The following FAF1 variants were observed in gnomAD, a reference collection of about 807,000 sequenced individuals.
The protein encoded by FAF1 is Fas associated factor 1.
Under a neutral mutation model 92.5 loss-of-function variants are expected in FAF1, and 25 were observed. The observed-to-expected ratio is 0.27, with a 90% CI of 0.20 to 0.38. FAF1 has a LOEUF of 0.38. FAF1 is among the 10% of genes least tolerant of loss of function. The pLI is 1.00. For missense variants in FAF1, 636 were observed against 793.3 expected, an observed-to-expected ratio of 0.80 and a Z score of 2.38; for synonymous variants, 234 against 273.2, an observed-to-expected ratio of 0.86 and a Z score of 1.42.
chr1:50,898,533 A>G (rs909711685), intron 1 of FAF1, among the ~76,000 whole-genome samples: 5 of 152,244 alleles, frequency 3.3e-5, no homozygotes, highest in Non-Finnish European at 7.3e-5. Context: ...TTTATTATTC[A>G]TATATGAAAA....
At chr1:50,590,707 C>T (rs554974336) in intron 9 of FAF1, among the ~76,000 whole-genome samples, 13 of 151,728 alleles carry the variant, frequency 8.6e-5, no homozygotes, top group Non-Finnish European at 1.6e-4. Flanking sequence ...CTTGGCCGGG[C>T]GCCGTGGCTC....
At chr1:50,931,206 G>A (rs1348600507) in intron 1 of FAF1, among the ~76,000 whole-genome samples, 1 of 151,990 alleles carries the variant, frequency 6.6e-6, no homozygotes, top group African/African-American at 2.4e-5. Flanking sequence ...TACTATCTTG[G>A]TTCTCAGTTT....
chr1:50,695,494 A>T (rs185955017), intron 7 of FAF1, among the ~76,000 whole-genome samples: 69 of 152,300 alleles, frequency 4.5e-4, no homozygotes, highest in African/African-American at 1.5e-3. Context: ...ATACAAATTA[A>T]TCCTCTGGAA....
chr1:50,568,644 T>C (rs772865302), intron 12 of FAF1, among the ~76,000 whole-genome samples: 2 of 152,146 alleles, frequency 1.3e-5, no homozygotes, highest in African/African-American at 2.4e-5. Flanking sequence ...CATTAGCATA[T>C]GAGGAAACTG....
chr1:50,586,691 C>G (rs1651247845), intron 9 of FAF1, among the ~76,000 whole-genome samples: 1 of 152,140 alleles, frequency 6.6e-6, no homozygotes, highest in Non-Finnish European at 1.5e-5. Flanking sequence ...CTGGTTTAAG[C>G]TAGTCAACAG....
intron 15 of FAF1, among the ~76,000 whole-genome samples, chr1:50,533,387 T>C (rs2149036632): frequency 6.6e-6 from 1 of 152,332 alleles, no homozygotes; most frequent in Admixed American, 6.5e-5. Context: ...AGGTTTTATA[T>C]CATTGTAACC....
chr1:50,812,695 C>G (rs893938131), intron 2 of FAF1, among the ~76,000 whole-genome samples: 1 of 152,158 alleles, frequency 6.6e-6, no homozygotes, highest in Non-Finnish European at 1.5e-5. Context: ...GAAAGAATTA[C>G]CATTCGACCC....
chr1:50,952,891 G>C (rs1358592107), intron 1 of FAF1, among the ~76,000 whole-genome samples: 3 of 152,252 alleles, frequency 2.0e-5, no homozygotes, highest in Admixed American at 6.5e-5. Flanking sequence ...CGTCTGGGAG[G>C]TATACCCAAC....
intron 4 of FAF1, among the ~76,000 whole-genome samples, chr1:50,774,728 G>A (rs1182208177): frequency 6.6e-6 from 1 of 152,004 alleles, no homozygotes; most frequent in African/African-American, 2.4e-5. Context: ...CTGCATGTTA[G>A]GTTAAATCCA....
At chr1:50,506,031 A>G (rs1233479651) in intron 15 of FAF1, among the ~76,000 whole-genome samples, 1 of 152,256 alleles carries the variant, frequency 6.6e-6, no homozygotes, top group Admixed American at 6.5e-5. Flanking sequence ...CAGCCTTTAC[A>G]TGTGCCAATA....
rs923884390 is a variant in FAF1, at chr1:50,857,671, G to A, written c.114+258C>T. 2.6e-5 allele frequency among the ~76,000 whole-genome samples: 4 copies of A among 151,734 alleles called. No individual in the cohort carries two copies. In the South Asian group the frequency reaches 6.2e-4, roughly 24 times the overall value. On this transcript the variant is annotated intron_variant, in intron 2 of 18. Transcript: ENST00000396153. ...CCGAGCATCTCCACCAAAAAATTAC[G>A]TGGGAAGATGAACCATAACACACAG... is the stretch of plus-strand genomic sequence containing the variant.
chr1:50,579,296 C>T (rs935061228), intron 12 of FAF1, among the ~76,000 whole-genome samples: 1 of 152,068 alleles, frequency 6.6e-6, no homozygotes, highest in African/African-American at 2.4e-5. Flanking sequence ...GTGAGGTATA[C>T]ATAGTATATC....
At chr1:50,921,675 G>A (rs1243730131) in intron 1 of FAF1, among the ~76,000 whole-genome samples, 1 of 152,062 alleles carries the variant, frequency 6.6e-6, no homozygotes, top group African/African-American at 2.4e-5. Context: ...TAGCTACTAG[G>A]GAGGCTGACG....
At chr1:50,836,951 C>CTTTTTTTTTTTTTTTT (rs528322924) in intron 2 of FAF1, among the ~76,000 whole-genome samples, 1 of 76,692 alleles carries the variant, frequency 1.3e-5, no homozygotes, top group African/African-American at 5.2e-5. Context: ...TGTTATGTTT[C>CTTTTTTTTTTTTTTTT]TTTTTTTTTT....
rs36053491 is a variant in FAF1, at chr1:50,836,170, GTTTTT to G, written c.114+21754_114+21758del. On this transcript the variant is annotated intron_variant, in intron 2 of 18. Transcript: ENST00000396153. Reference sequence around the variant, plus strand: ...GTGTGTGTTTTTGTTTTTTGTTTCTGTTTTTTTTTTTTTTTTTTTAGACAGGGTCT... The same window carrying G: ...GTGTGTGTTTTTGTTTTTTGTTTCTGTTTTTTTTTTTTTTAGACAGGGTCT... 3.0e-3 allele frequency among the ~76,000 whole-genome samples: 297 copies of G among 98,520 alleles called. 11 individuals carry two copies. The highest frequency in any genetic ancestry group is 0.012 in the African/African-American group (290 of 23,466). 64.6% of individuals were successfully genotyped at this position (98,520 alleles called of 152,430 possible). A position where few individuals can be genotyped will look rare whatever the true frequency, so the allele number is the denominator to read the frequency against.
At chr1:50,803,359 G>A (rs540913289) in intron 2 of FAF1, among the ~76,000 whole-genome samples, 2 of 152,152 alleles carry the variant, frequency 1.3e-5, no homozygotes, top group African/African-American at 4.8e-5. Context: ...TAAGGACTCA[G>A]AAAGTCTAAA....
intron 7 of FAF1, among the ~76,000 whole-genome samples, chr1:50,671,330 G>A (rs554036554): frequency 3.1e-4 from 47 of 151,890 alleles, no homozygotes; most frequent in African/African-American, 1.1e-3. Context: ...ACTTGAAACC[G>A]GGAGGTGGAG....
At chr1:50,509,505 G>C (rs1647106096) in intron 15 of FAF1, among the ~76,000 whole-genome samples, 1 of 152,122 alleles carries the variant, frequency 6.6e-6, no homozygotes, top group Non-Finnish European at 1.5e-5. Flanking sequence ...CCAGCTACTT[G>C]GGTGGCTGAG....
chr1:50,710,913 GTT>G (rs748376546), intron 6 of FAF1, among the ~76,000 whole-genome samples: 3 of 113,110 alleles, frequency 2.7e-5, no homozygotes, highest in African/African-American at 3.3e-5. Context: ...AGTGGCATTT[GTT>G]TTTTTTTTTT....
Sources: gnomAD v4.1 joint callset for allele counts (sites outside exome capture counted in the v4.1 genomes callset) on GRCh38, gnomAD v4.1.1 for gene constraint, MANE v1.5 for transcripts, NCBI Gene and HGNC (gene_info 2026-07-23, HGNC 2026-07-21) for gene names.